PDE4B: variants seen among roughly 807,000 people sequenced by gnomAD.
PDE4B encodes phosphodiesterase 4B.
PDE4B carries 20 observed loss-of-function variants against 82.2 expected under a neutral mutation model. The observed-to-expected ratio is 0.24, with a 90% CI of 0.17 to 0.35. The LOEUF is 0.35. Among genes scored for constraint, PDE4B ranks in the 10% least tolerant of loss-of-function variants. PDE4B has a pLI of 1.00. For synonymous variants in PDE4B, 320 were observed against 318.9 expected, an observed-to-expected ratio of 1.00 and a Z score of -0.04; for missense variants, 655 against 907.2, an observed-to-expected ratio of 0.72 and a Z score of 3.57.
chr1:66,039,730 A>G (rs547140033), intron 3 of PDE4B, among the ~76,000 whole-genome samples: 1 of 152,232 alleles, frequency 6.6e-6, no homozygotes, highest in South Asian at 2.1e-4. Context: ...GCATCTGAAA[A>G]TGGTAAATAA....
chr1:65,927,532 T>A (rs1021591203), intron 3 of PDE4B, among the ~76,000 whole-genome samples: 4 of 148,002 alleles, frequency 2.7e-5, no homozygotes, highest in African/African-American at 9.9e-5. Flanking sequence ...ATAATATATA[T>A]TATCTTTATC....
chr1:66,220,875 A>G (rs1394505472), intron 3 of PDE4B, among the ~76,000 whole-genome samples: 1 of 152,144 alleles, frequency 6.6e-6, no homozygotes, highest in Non-Finnish European at 1.5e-5. Context: ...ATCTTCATTT[A>G]TTTGTCCAAT....
At chr1:66,354,922 C>G in intron 8 of PDE4B, 1 of 1,530,164 alleles carries the variant, frequency 6.5e-7, no homozygotes, top group Non-Finnish European at 8.8e-7. Context: ...TGTTCTGTGT[C>G]TTTGATAAAA....
At position 66,090,616 on chromosome 1, in the gene PDE4B, A is replaced by ATGTGTGTGTGTGTGTGTGTGT. The variant is rs200925983; in HGVS notation, c.282-156844_282-156843insTGTGTGTGTGTGTGTGTGTGT. ...CAAAATTATATATATATATGTATAT[A>ATGTGTGTGTGTGTGTGTGTGT]ATATATGTGTGTGTGTGTGTGTGTA... On this transcript the variant is annotated intron_variant, in intron 3 of 16. Transcript: ENST00000341517. Among the ~76,000 whole-genome samples the ATGTGTGTGTGTGTGTGTGTGT allele has an allele frequency of 6.7e-3, 602 of 89,726 alleles. 20 individuals are homozygous for ATGTGTGTGTGTGTGTGTGTGT. The highest frequency in any genetic ancestry group is 0.022 in the African/African-American group (484 of 21,766). 58.9% of individuals were successfully genotyped at this position (89,726 alleles called of 152,430 possible).
intron 3 of PDE4B, among the ~76,000 whole-genome samples, chr1:66,174,793 A>AAAC (rs1275030854): frequency 7.0e-6 from 1 of 143,632 alleles, no homozygotes; most frequent in Non-Finnish European, 1.5e-5. Context: ...CAACAACAAC[A>AAAC]AACTACCTGA....
chr1:65,913,288 T>G lies in PDE4B; in HGVS notation c.-27T>G. 1 of 1,606,500 alleles carries G rather than the reference T, an allele frequency of 6.2e-7. No homozygotes were observed. Among genetic ancestry groups the G allele is most frequent in the South Asian group, 1.1e-5 (1 of 90,906 alleles). On this transcript the variant is annotated 5_prime_UTR_variant, in exon 2 of 17. Coordinates refer to ENST00000341517, the MANE Select transcript of PDE4B (RefSeq NM_002600.4). Reference sequence around the variant, plus strand: ...AAACTGCATTGAATAACAGACATCCTAAGAGGGGATATTTTCCACCTCTAT... The same window carrying G: ...AAACTGCATTGAATAACAGACATCCGAAGAGGGGATATTTTCCACCTCTAT...
intron 3 of PDE4B, among the ~76,000 whole-genome samples, chr1:66,160,803 A>G (rs533733470): frequency 3.7e-4 from 56 of 152,344 alleles, no homozygotes; most frequent in Non-Finnish European, 6.6e-4. Flanking sequence ...GCCTCTGAAG[A>G]TCTAATTATA....
intron 16 of PDE4B, among the ~76,000 whole-genome samples, chr1:66,370,730 A>G (rs1293028502): frequency 2.6e-5 from 4 of 152,174 alleles, no homozygotes; most frequent in Non-Finnish European, 4.4e-5. Context: ...CAGAAGCAAA[A>G]CAAGCGAAGA....
At chr1:65,863,948 A>T (rs1646482428) in intron 1 of PDE4B, among the ~76,000 whole-genome samples, 1 of 152,010 alleles carries the variant, frequency 6.6e-6, no homozygotes, top group Admixed American at 6.6e-5. Context: ...GTCTTTATCC[A>T]ATTTGCCAGT....
At chr1:66,071,481 A>G (rs925459282) in intron 3 of PDE4B, among the ~76,000 whole-genome samples, 13 of 152,156 alleles carry the variant, frequency 8.5e-5, no homozygotes, top group Non-Finnish European at 1.9e-4. Flanking sequence ...TTGGGAATAT[A>G]TTCTGAAATG....
At chr1:66,199,369 G>C (rs1648657348) in intron 3 of PDE4B, among the ~76,000 whole-genome samples, 1 of 152,138 alleles carries the variant, frequency 6.6e-6, no homozygotes, top group Non-Finnish European at 1.5e-5. Context: ...CAGTGATGAT[G>C]AGCATTTTTT....
chr1:66,047,216 G>A (rs1654765690), intron 3 of PDE4B, among the ~76,000 whole-genome samples: 1 of 151,744 alleles, frequency 6.6e-6, no homozygotes. Flanking sequence ...GAGTTTGACT[G>A]ATTTAGTTGG....
intron 3 of PDE4B, among the ~76,000 whole-genome samples, chr1:66,061,933 T>TA (rs1022925931): frequency 6.6e-6 from 1 of 152,008 alleles, no homozygotes; most frequent in African/African-American, 2.4e-5. Flanking sequence ...TAAAAAATAA[T>TA]AAAAAGAAGT....
At chr1:65,900,911 A>G (rs1053733193) in intron 1 of PDE4B, among the ~76,000 whole-genome samples, 3 of 152,048 alleles carry the variant, frequency 2.0e-5, no homozygotes, top group Admixed American at 2.0e-4. Context: ...AAGATAGACA[A>G]TTTGACTTTT....
rs12085030 is a variant in PDE4B at position 66,317,747 on chromosome 1, A to G, written c.635-14761A>G. Among the ~76,000 whole-genome samples, 1,259 of 152,190 alleles carry G rather than the reference A, an allele frequency of 8.3e-3. 18 individuals are homozygous for G. Among genetic ancestry groups the G allele is most frequent in the African/African-American group, 0.029 (1,214 of 41,522 alleles). ...CCCTCATCTCTACAGAAAATTTAAA[A>G]ATCAGCCAGGCATGGCGGTAAGCAC... On this transcript the variant is annotated intron_variant, in intron 7 of 16. Coordinates refer to ENST00000341517, the MANE Select transcript of PDE4B (RefSeq NM_002600.4).
At chr1:65,834,774 T>A (rs1027705413) in intron 1 of PDE4B, among the ~76,000 whole-genome samples, 1 of 152,186 alleles carries the variant, frequency 6.6e-6, no homozygotes, top group Non-Finnish European at 1.5e-5. Flanking sequence ...TTTTGCCACT[T>A]CCTGGGTTGT....
At chr1:66,129,662 A>G (rs1421129197) in intron 3 of PDE4B, among the ~76,000 whole-genome samples, 1 of 88,244 alleles carries the variant, frequency 1.1e-5, no homozygotes, top group East Asian at 3.8e-4. Context: ...TCCGTCTCAA[A>G]AAAAAAAAAA....
At chr1:65,968,382 G>A (rs1267527543) in intron 3 of PDE4B, among the ~76,000 whole-genome samples, 1 of 152,036 alleles carries the variant, frequency 6.6e-6, no homozygotes, top group Admixed American at 6.6e-5. Context: ...TGTATGTCAG[G>A]CATTGTGCTA....
intron 3 of PDE4B, among the ~76,000 whole-genome samples, chr1:66,086,986 G>T (rs17128388): frequency 0.011 from 1,644 of 152,268 alleles, 29 homozygotes; most frequent in African/African-American, 0.038. Context: ...ATGCCTGGGA[G>T]AGAGACCTGC....
Sources: gnomAD v4.1 joint callset for allele counts (sites outside exome capture counted in the v4.1 genomes callset) on GRCh38, gnomAD v4.1.1 for gene constraint, MANE v1.5 for transcripts, NCBI Gene and HGNC (gene_info 2026-07-23, HGNC 2026-07-21) for gene names.